Variants in CLCN4 observed in about 807,000 individuals in gnomAD.
The protein encoded by CLCN4 is H(+)/Cl(-) exchange transporter 4.
In CLCN4, 1 loss-of-function variant was observed where a neutral mutation model predicts 41.7. The ratio of observed to expected loss-of-function variants is 0.02; its 90% CI spans 0.01 to 0.11. CLCN4 has a LOEUF of 0.11. Ranked by LOEUF, CLCN4 falls within the 10% of genes least tolerant of loss-of-function variation. The probability of loss-of-function intolerance (pLI) is 1.00; values close to 1 mark genes in which losing one functional copy is unlikely to be tolerated. For missense variants in CLCN4, 287 were observed against 661.0 expected, an observed-to-expected ratio of 0.43 and a Z score of 6.20; for synonymous variants, 277 against 285.8, an observed-to-expected ratio of 0.97 and a Z score of 0.31.
chrX:10,211,216 A>G (rs1421703491), intron 9 of CLCN4, among the ~76,000 whole-genome samples: 1 of 97,435 alleles, frequency 1.0e-5, no homozygotes, highest in East Asian at 3.5e-4. Flanking sequence ...CAGTGAGCTG[A>G]GATCACGCCA....
intron 2 of CLCN4, 74 bp downstream of exon 2, chrX:10,158,625 C>T (rs1054495472): frequency 6.9e-5 from 18 of 261,223 alleles, no homozygotes; most frequent in Non-Finnish European, 1.0e-4. Flanking sequence ...GGAGCCCGGC[C>T]CGCGGGCCTG....
At chrX:10,217,267 A>T (rs2406273) in intron 11 of CLCN4, among the ~76,000 whole-genome samples, 4 of 107,963 alleles carry the variant, frequency 3.7e-5, no homozygotes, top group East Asian at 3.0e-4. Context: ...TGCCTGGCTA[A>T]GCATTTTTAA....
At chrX:10,174,628 G>A (rs907794024) in intron 2 of CLCN4, among the ~76,000 whole-genome samples, 2 of 111,894 alleles carry the variant, frequency 1.8e-5, no homozygotes, top group African/African-American at 3.2e-5. Context: ...GGCAACCTGC[G>A]GAGCCCAGTT....
rs373246544 is a variant in CLCN4 at position 10,195,127 on chromosome X, G to A, written c.432+29G>A. On this transcript the variant is annotated intron_variant, in intron 5 of 12. Transcript: ENST00000380833. ...GGTATTTGGGCAGGGTCCTGGCTGG[G>A]GACCCCTGCCGTTCCATGCGTGCTT... 2.5e-3 allele frequency: 2,950 copies of A among 1,182,306 alleles called. 47 individuals are homozygous for A. In the South Asian group the frequency reaches 0.05, roughly 20 times the overall value.
At chrX:10,163,831 A>C (rs1923175047) in intron 2 of CLCN4, among the ~76,000 whole-genome samples, 1 of 112,092 alleles carries the variant, frequency 8.9e-6, no homozygotes, top group Admixed American at 9.4e-5. Flanking sequence ...TGTTCTGGGC[A>C]ATGTAGGGTA....
intron 2 of CLCN4, among the ~76,000 whole-genome samples, chrX:10,180,789 A>G (rs1477588850): frequency 2.5e-4 from 26 of 103,588 alleles, no homozygotes; most frequent in Non-Finnish European, 1.9e-4. Flanking sequence ...AAAAAAAAAA[A>G]AAAAAGAAAG....
intron 6 of CLCN4, among the ~76,000 whole-genome samples, chrX:10,199,916 G>A (rs1320325937): frequency 9.0e-6 from 1 of 111,116 alleles, no homozygotes. Flanking sequence ...GTACCACCAT[G>A]CCTGGCTAAT....
At chrX:10,206,228 A>G in intron 6 of CLCN4, 130 bp from the exon 7 acceptor site, 2 of 472,534 alleles carry the variant, frequency 4.2e-6, no homozygotes, top group Non-Finnish European at 7.3e-6. Context: ...ATCAAAAATG[A>G]AAATGGTTTC....
intron 2 of CLCN4, among the ~76,000 whole-genome samples, chrX:10,164,756 C>G (rs980605238): frequency 8.9e-6 from 1 of 112,170 alleles, no homozygotes; most frequent in Admixed American, 9.4e-5. Context: ...ATGCATCCGG[C>G]TCAGTCGCAG....
At chrX:10,190,339 G>A (rs959596860) in intron 4 of CLCN4, among the ~76,000 whole-genome samples, 1 of 111,643 alleles carries the variant, frequency 9.0e-6, no homozygotes, top group Non-Finnish European at 1.9e-5. Context: ...GCTCGATCAA[G>A]TCTTTCTATA....
chrX:10,212,673 A>C lies in CLCN4; in HGVS notation c.1576+20A>C. The C allele has an allele frequency of 5.4e-6, 5 of 921,010 alleles. No individual in the cohort carries two copies. The highest frequency in any genetic ancestry group is 6.0e-6 in the Non-Finnish European group (4 of 664,613). 75.9% of individuals were successfully genotyped at this position (921,010 alleles called of 1,213,427 possible). On this transcript the variant is annotated intron_variant, in intron 10 of 12. Coordinates refer to ENST00000380833, the MANE Select transcript of CLCN4 (RefSeq NM_001830.4). ...GCCTCGGTACGACCATGGGTGGGGC[A>C]GGGAGGGGGACCGGGGAACTAATCT...
Position 10,220,892 on chromosome X carries a change from A to G in CLCN4, c.2192+15A>G, listed in dbSNP as rs1924844485. On this transcript the variant is annotated intron_variant, in intron 12 of 12. Transcript: ENST00000380833. ...ACGCGGAGCGGGTGAGTAGCCGGAC[A>G]TGTGGCCAGAATGACCTAGGGAGAA... 6 of 1,177,827 alleles carry G rather than the reference A, an allele frequency of 5.1e-6. No individual in the cohort carries two copies. Among genetic ancestry groups the G allele is most frequent in the East Asian group, 3.0e-5 (1 of 33,684 alleles).
intron 2 of CLCN4, among the ~76,000 whole-genome samples, chrX:10,163,962 G>A (rs954921833): frequency 1.8e-5 from 2 of 112,912 alleles, no homozygotes; most frequent in African/African-American, 6.4e-5. Context: ...ATTGCCCCCA[G>A]TTGGTTGAGT....
intron 9 of CLCN4, among the ~76,000 whole-genome samples, chrX:10,212,015 C>G (rs149966828): frequency 8.9e-6 from 1 of 111,864 alleles, no homozygotes; most frequent in Non-Finnish European, 1.9e-5. Flanking sequence ...CAATGATGGA[C>G]TTAGCTTCTT....
chrX:10,169,472 G>C, intron 2 of CLCN4, among the ~76,000 whole-genome samples: 1 of 111,272 alleles, frequency 9.0e-6, no homozygotes, highest in East Asian at 2.8e-4. Context: ...TGAGTGAAAA[G>C]TAACAAGGGA....
At chrX:10,203,101 A>G (rs1362366172) in intron 6 of CLCN4, among the ~76,000 whole-genome samples, 1 of 112,157 alleles carries the variant, frequency 8.9e-6, no homozygotes, top group African/African-American at 3.2e-5. Context: ...ACATTGTTCA[A>G]TTCACCACAT....
chrX:10,192,083 C>T, intron 4 of CLCN4, among the ~76,000 whole-genome samples: 1 of 110,948 alleles, frequency 9.0e-6, no homozygotes, highest in Admixed American at 9.6e-5. Flanking sequence ...TATATAGTGC[C>T]AACCATGCAC....
intron 12 of CLCN4, among the ~76,000 whole-genome samples, chrX:10,222,505 G>A (rs1234274629): frequency 9.0e-6 from 1 of 111,249 alleles, no homozygotes; most frequent in Non-Finnish European, 1.9e-5. Context: ...GTTCTCAACT[G>A]GGATGATTTT....
At chrX:10,158,030 C>G (rs5934779) in intron 1 of CLCN4, among the ~76,000 whole-genome samples, 28,993 of 111,918 alleles carry the variant, frequency 0.26, 2,998 homozygotes, top group African/African-American at 0.38. Flanking sequence ...TGGTATAATA[C>G]TCGATATACG....
Sources: gnomAD v4.1 joint callset for allele counts (sites outside exome capture counted in the v4.1 genomes callset) on GRCh38, gnomAD v4.1.1 for gene constraint, MANE v1.5 for transcripts, NCBI Gene and HGNC (gene_info 2026-07-23, HGNC 2026-07-21) for gene names.